The following PCDHA8 variants were observed in gnomAD, a reference collection of about 807,000 sequenced individuals.
PCDHA8 encodes protocadherin alpha 8.
A neutral mutation model predicts 61.8 loss-of-function variants in PCDHA8; 53 were observed. The ratio of observed to expected loss-of-function variants is 0.86; its 90% CI spans 0.69 to 1.08. The LOEUF (loss-of-function observed/expected upper bound fraction) is 1.08, where lower values mean the gene tolerates loss of function less well. PCDHA8 is among the 50% of genes least tolerant of loss of function. PCDHA8 has a pLI of 0.00. For synonymous variants in PCDHA8, 618 were observed against 556.6 expected (o/e 1.11, Z -1.55); for missense variants, 1,293 against 1,245.0 (o/e 1.04, Z -0.58).
At chr5:140,937,329 G>T (rs1406340473) in intron 1 of PCDHA8, among the ~76,000 whole-genome samples, 1 of 152,050 alleles carries the variant, frequency 6.6e-6, no homozygotes, top group Admixed American at 6.5e-5. Flanking sequence ...GAGCCACCGC[G>T]CCCGGCTTCT....
chr5:140,875,989 A>G (rs782628581), intron 1 of PCDHA8: 1 of 1,613,992 alleles, frequency 6.2e-7, no homozygotes, highest in South Asian at 1.1e-5. Flanking sequence ...CTATGCGTTA[A>G]GTCTAAATGA....
At chr5:140,943,718 C>G (rs2093552773) in intron 1 of PCDHA8, among the ~76,000 whole-genome samples, 1 of 152,020 alleles carries the variant, frequency 6.6e-6, no homozygotes, top group South Asian at 2.1e-4. Flanking sequence ...ATTTAAAGGT[C>G]TGAGAGAATG....
Position 140,966,695 on chromosome 5 carries a change from C to T in PCDHA8, c.2395-12254C>T, listed in dbSNP as rs2096038904. ...GGGTGGCACGAGCGGAGGCGGGGCC[C>T]GGGCGTGGGGCACGGCTGGGGAAGC... is the stretch of plus-strand genomic sequence containing the variant. On this transcript the variant is annotated intron_variant, in intron 1 of 3. Coordinates refer to ENST00000531613, the MANE Select transcript of PCDHA8 (RefSeq NM_018911.3). 4 of 1,358,486 alleles carry T rather than the reference C, an allele frequency of 2.9e-6. No individual in the cohort carries two copies. In the South Asian group the frequency reaches 5.2e-5, roughly 18 times the overall value. The allele number at this position is 1,358,486 out of a possible 1,614,324, so 84.2% of individuals were successfully genotyped here. A position where few individuals can be genotyped will look rare whatever the true frequency, so the allele number is the denominator to read the frequency against.
At chr5:140,948,897 T>C (rs1487067374) in intron 1 of PCDHA8, among the ~76,000 whole-genome samples, 1 of 151,680 alleles carries the variant, frequency 6.6e-6, no homozygotes. Context: ...AGATTTTAAG[T>C]GGATTCTTAG....
intron 1 of PCDHA8, chr5:140,871,327 C>T (rs782093100): frequency 6.2e-6 from 10 of 1,613,984 alleles, no homozygotes; most frequent in East Asian, 4.5e-5. Context: ...GGTGTGCTCC[C>T]GCGCGGTGGG....
chr5:140,982,218 G>T, intron 2 of PCDHA8: 1 of 523,694 alleles, frequency 1.9e-6, no homozygotes, highest in South Asian at 3.9e-5. Flanking sequence ...GCCACATGGC[G>T]TTAATAAAAA....
Position 140,854,000 on chromosome 5 carries a change from C to T in PCDHA8, c.2394+10285C>T, listed in dbSNP as rs1437337577. 5 of 352,352 alleles carry T rather than the reference C, an allele frequency of 1.4e-5. No homozygotes were observed. The East Asian group carries it at 8.5e-4, about 60-fold the overall frequency. 21.8% of individuals were successfully genotyped at this position (352,352 alleles called of 1,614,324 possible). ...CCAATGTAGTGAGACTCATCTCTGC[C>T]AAAAAAAAAAAATTAGCCGGGCATG... On this transcript the variant is annotated intron_variant, in intron 1 of 3. Coordinates refer to ENST00000531613, the MANE Select transcript of PCDHA8 (RefSeq NM_018911.3).
At chr5:140,998,472 A>G (rs1212895520) in intron 3 of PCDHA8, among the ~76,000 whole-genome samples, 1 of 151,938 alleles carries the variant, frequency 6.6e-6, no homozygotes, top group Non-Finnish European at 1.5e-5. Context: ...TTTTCCTCCC[A>G]CTGTGCTGTA....
At chr5:140,898,703 G>A (rs2066931625) in intron 1 of PCDHA8, among the ~76,000 whole-genome samples, 1 of 152,068 alleles carries the variant, frequency 6.6e-6, no homozygotes, top group Non-Finnish European at 1.5e-5. Context: ...GAACTTTAAA[G>A]TAGTTTTTTC....
chr5:140,858,325 G>A, intron 1 of PCDHA8: 1 of 1,596,768 alleles, frequency 6.3e-7, no homozygotes, highest in Non-Finnish European at 8.6e-7. Context: ...TGTGTTCTGG[G>A]GAGGGCCTGC....
Position 140,884,409 on chromosome 5 carries a change from C to G in PCDHA8, c.2394+40694C>G, listed in dbSNP as rs373513056. The G allele has an allele frequency of 2.7e-5, 43 of 1,613,874 alleles. No individual in the cohort carries two copies. The highest frequency in any genetic ancestry group is 4.0e-5 in the African/African-American group (3 of 74,930). On this transcript the variant is annotated intron_variant, in intron 1 of 3. Coordinates refer to ENST00000531613, the MANE Select transcript of PCDHA8 (RefSeq NM_018911.3). ...GCGGTGTCCAGCCTGTTGGTGCTCA[C>G]GTTGCTGCTGTATACTGCGCTGCGG...
At chr5:140,993,472 A>T (rs1164535164) in intron 3 of PCDHA8, among the ~76,000 whole-genome samples, 1 of 134,248 alleles carries the variant, frequency 7.4e-6, no homozygotes, top group Non-Finnish European at 1.5e-5. Flanking sequence ...TCACACACAC[A>T]CACACACACA....
At chr5:140,870,402 T>G (rs782585618) in intron 1 of PCDHA8, 8 of 1,614,212 alleles carry the variant, frequency 5.0e-6, no homozygotes, top group Non-Finnish European at 5.1e-6. Flanking sequence ...GTTCGCCTTC[T>G]CTGTGGGCCA....
At chr5:140,987,963 T>C (rs2097275753) in intron 3 of PCDHA8, among the ~76,000 whole-genome samples, 1 of 152,190 alleles carries the variant, frequency 6.6e-6, no homozygotes, top group Non-Finnish European at 1.5e-5. Context: ...CAACTCCCCA[T>C]GGAAAGACTC....
At chr5:140,882,855 T>C in intron 1 of PCDHA8, 1 of 1,614,230 alleles carries the variant, frequency 6.2e-7, no homozygotes, top group Non-Finnish European at 8.5e-7. Context: ...TCACTTGTAC[T>C]GAGGAAAACA....
At chr5:140,980,607 C>T (rs1471918192) in intron 2 of PCDHA8, among the ~76,000 whole-genome samples, 5 of 151,334 alleles carry the variant, frequency 3.3e-5, no homozygotes, top group Non-Finnish European at 7.4e-5. Context: ...TCCAGCCTGG[C>T]GACAGTGCGA....
chr5:140,841,876 G>A lies in PCDHA8; in HGVS notation c.555G>A (p.Lys185=), dbSNP rs2150324572. 2.5e-6 allele frequency: 4 copies of A among 1,613,836 alleles called. No homozygotes were observed. The South Asian group carries it at 4.4e-5, about 18-fold the overall frequency. The change falls in exon 1 of 4, where the codon AAG becomes AAA. Residue 185 remains lysine (K), a synonymous_variant. Transcript: ENST00000531613. The part of the protein sequence containing the change: ...HDYFMLDVNS[K]NDENKLVELV... Reference sequence around the variant, plus strand: ...ACTTCATGCTAGATGTGAATTCAAAGAACGATGAGAATAAACTGGTTGAGC... The same window carrying A: ...ACTTCATGCTAGATGTGAATTCAAAAAACGATGAGAATAAACTGGTTGAGC...
chr5:140,915,960 G>A (rs1554197207), intron 1 of PCDHA8, among the ~76,000 whole-genome samples: 1 of 152,112 alleles, frequency 6.6e-6, no homozygotes, highest in Admixed American at 6.5e-5. Flanking sequence ...TTAGAAATTT[G>A]CCTGATATTT....
intron 1 of PCDHA8, among the ~76,000 whole-genome samples, chr5:140,904,628 A>G (rs2071277621): frequency 6.6e-6 from 1 of 152,002 alleles, no homozygotes; most frequent in African/African-American, 2.4e-5. Context: ...TTAGTTCTTT[A>G]AGGAATCTCC....
Sources: allele counts gnomAD v4.1 joint callset (sites outside exome capture counted in the v4.1 genomes callset), GRCh38; gene constraint gnomAD v4.1.1; transcripts MANE v1.5; gene names NCBI Gene and HGNC (gene_info 2026-07-23, HGNC 2026-07-21).